The following LAMA2 variants were observed in gnomAD, a reference collection of about 807,000 sequenced individuals.
LAMA2 encodes the protein laminin subunit alpha 2.
LAMA2 carries 269 observed loss-of-function variants against 364.8 expected under a neutral mutation model. That is an observed-to-expected ratio of 0.74 (90% CI 0.67 to 0.82). The LOEUF (loss-of-function observed/expected upper bound fraction) is 0.82, where lower values mean the gene tolerates loss of function less well. LAMA2 is among the 40% of genes least tolerant of loss of function. The pLI is 0.00. For synonymous variants in LAMA2, 1,379 were observed against 1,370.6 expected (o/e 1.01, Z -0.14); for missense variants, 3,807 against 3,873.2 (o/e 0.98, Z 0.45).
chr6:129,092,963 T>C (rs1397094304), intron 3 of LAMA2, among the ~76,000 whole-genome samples: 1 of 152,060 alleles, frequency 6.6e-6, no homozygotes, highest in African/African-American at 2.4e-5. Context: ...AACACAATAC[T>C]CTTTAGTAGC....
At chr6:129,088,964 G>T (rs187528149) in intron 3 of LAMA2, among the ~76,000 whole-genome samples, 46 of 150,704 alleles carry the variant, frequency 3.1e-4, no homozygotes, top group Non-Finnish European at 5.9e-4. Context: ...AAGGCAGGCG[G>T]CTGGGAGGTG....
intron 3 of LAMA2, among the ~76,000 whole-genome samples, chr6:129,091,830 T>C (rs1774849287): frequency 6.6e-6 from 1 of 152,236 alleles, no homozygotes; most frequent in Admixed American, 6.5e-5. Context: ...AAACATCATT[T>C]AAAAATTTTA....
At chr6:129,169,648 CT>C (rs1780004755) in intron 9 of LAMA2, among the ~76,000 whole-genome samples, 2 of 146,548 alleles carry the variant, frequency 1.4e-5, no homozygotes, top group Non-Finnish European at 3.0e-5. Context: ...CTCTGCCTGG[CT>C]TTGGTATCAG....
intron 1 of LAMA2, among the ~76,000 whole-genome samples, chr6:128,936,636 C>T (rs928253534): frequency 3.3e-5 from 5 of 152,062 alleles, no homozygotes; most frequent in African/African-American, 1.2e-4. Context: ...AACAATAGAG[C>T]AATTATAACA....
chr6:129,387,828 C>T (rs1258239490), intron 35 of LAMA2, among the ~76,000 whole-genome samples: 2 of 152,202 alleles, frequency 1.3e-5, no homozygotes, highest in East Asian at 1.9e-4. Flanking sequence ...CACATGTTCT[C>T]GCTCATAAGT....
intron 12 of LAMA2, among the ~76,000 whole-genome samples, chr6:129,193,644 A>G (rs1781669968): frequency 6.6e-6 from 1 of 152,218 alleles, no homozygotes; most frequent in African/African-American, 2.4e-5. Context: ...ATACCTTCTC[A>G]GCTGATAGTT....
intron 1 of LAMA2, among the ~76,000 whole-genome samples, chr6:128,951,949 G>T (rs1056113053): frequency 6.6e-6 from 1 of 152,180 alleles, no homozygotes; most frequent in African/African-American, 2.4e-5. Context: ...AGGATCGCTT[G>T]AGGCCAGGAG....
rs202088245 is a variant in LAMA2 at position 128,992,886 on chromosome 6, AAAGTT to A, written c.113-57028_113-57024del. Among the ~76,000 whole-genome samples the A allele has an allele frequency of 8.0e-3, 1,215 of 152,344 alleles. 14 individuals are homozygous for A. The highest frequency in any genetic ancestry group is 0.027 in the African/African-American group (1,134 of 41,576). ...CTGATATGAAGAGAAAGCTATAACT[AAAGTT>A]AAGACAATGTTAAAGTAAGGTCCAA... On this transcript the variant is annotated intron_variant, in intron 1 of 64. Transcript: ENST00000421865.
chr6:128,896,769 T>C (rs1776799982), intron 1 of LAMA2, among the ~76,000 whole-genome samples: 1 of 152,226 alleles, frequency 6.6e-6, no homozygotes, highest in Admixed American at 6.5e-5. Flanking sequence ...GGATAAAACA[T>C]TGCCCTCACA....
intron 38 of LAMA2, among the ~76,000 whole-genome samples, chr6:129,401,940 G>A (rs1779998734): frequency 6.6e-6 from 1 of 152,156 alleles, no homozygotes; most frequent in Non-Finnish European, 1.5e-5. Context: ...AGGCACGGTG[G>A]CTCATGCCTG....
At chr6:129,352,563 G>A (rs1776912308) in intron 31 of LAMA2, among the ~76,000 whole-genome samples, 1 of 152,180 alleles carries the variant, frequency 6.6e-6, no homozygotes, top group East Asian at 1.9e-4. Context: ...TTAATGGGTT[G>A]TATTATTTGG....
chr6:129,221,637 C>T (rs1206488858), intron 12 of LAMA2, among the ~76,000 whole-genome samples: 1 of 151,880 alleles, frequency 6.6e-6, no homozygotes, highest in African/African-American at 2.4e-5. Context: ...TTGAATCAAC[C>T]AGATTTCTTA....
At chr6:129,359,633 A>C (rs1777351819) in intron 32 of LAMA2, among the ~76,000 whole-genome samples, 2 of 138,264 alleles carry the variant, frequency 1.4e-5, no homozygotes, top group African/African-American at 2.5e-5. Context: ...GAGTTAATTT[A>C]ACATACACAC....
chr6:129,412,467 C>T (rs1433707297), intron 40 of LAMA2, among the ~76,000 whole-genome samples: 1 of 151,680 alleles, frequency 6.6e-6, no homozygotes, highest in Admixed American at 6.6e-5. Flanking sequence ...CGATCACAAA[C>T]AGCTAAACAT....
chr6:128,972,347 G>C (rs1310341759), intron 1 of LAMA2, among the ~76,000 whole-genome samples: 1 of 152,128 alleles, frequency 6.6e-6, no homozygotes, highest in Non-Finnish European at 1.5e-5. Flanking sequence ...TGTATAAATG[G>C]TTTTGTATGA....
At chr6:129,330,601 T>TGG (rs35639463) in intron 29 of LAMA2, among the ~76,000 whole-genome samples, 2 of 47,118 alleles carry the variant, frequency 4.2e-5, no homozygotes, top group Non-Finnish European at 1.0e-4. Flanking sequence ...GGTTTTTGTT[T>TGG]TTTTTTTTTT....
At chr6:128,997,161 C>T (rs1582846206) in intron 1 of LAMA2, among the ~76,000 whole-genome samples, 1 of 151,964 alleles carries the variant, frequency 6.6e-6, no homozygotes, top group Non-Finnish European at 1.5e-5. Context: ...GGAGGGATAG[C>T]ATTAGGAGAA....
At chr6:129,169,953 G>A (rs1377016514) in intron 9 of LAMA2, among the ~76,000 whole-genome samples, 2 of 150,716 alleles carry the variant, frequency 1.3e-5, no homozygotes, top group South Asian at 2.1e-4. Flanking sequence ...TTTGCATAGA[G>A]GTGTTTGTAG....
chr6:129,020,042 C>T (rs1275756870), intron 1 of LAMA2, among the ~76,000 whole-genome samples: 2 of 149,054 alleles, frequency 1.3e-5, no homozygotes, highest in Admixed American at 6.7e-5. Flanking sequence ...GCTGAGATCG[C>T]ACCACTGCAC....
Sources: allele counts gnomAD v4.1 joint callset (sites outside exome capture counted in the v4.1 genomes callset), GRCh38; gene constraint gnomAD v4.1.1; transcripts MANE v1.5; gene names NCBI Gene and HGNC (gene_info 2026-07-23, HGNC 2026-07-21).